Variants in EDNRB observed in about 807,000 individuals in gnomAD.
EDNRB encodes Hirschsprung disease 2.
A neutral mutation model predicts 46.4 loss-of-function variants in EDNRB; 18 were observed. The observed-to-expected ratio is 0.39, with a 90% CI of 0.27 to 0.57. The LOEUF is 0.57. Among genes scored for constraint, EDNRB ranks in the 20% least tolerant of loss-of-function variants. EDNRB has a pLI of 0.61. For synonymous variants in EDNRB, 213 were observed against 204.9 expected, an observed-to-expected ratio of 1.04 and a Z score of -0.34; for missense variants, 434 against 537.5, an observed-to-expected ratio of 0.81 and a Z score of 1.90.
At position 77,918,317 on chromosome 13, in the gene EDNRB, G is replaced by T; in HGVS notation, c.257C>A (p.Ser86Tyr). 6.2e-7 allele frequency: 1 copy of T among 1,614,046 alleles called. No individual in the cohort carries two copies. The highest frequency in any genetic ancestry group is 8.5e-7 in the Non-Finnish European group (1 of 1,179,996). ...GATGGGTCCTTGGCACGGGGGAGGG[G>T]AGATGGTGCGTGGCGGAGATCCTGC... Reference protein sequence around the residue: ...RTAGSPPRTISPPPCQGPIEI... With the variant: ...RTAGSPPRTIYPPPCQGPIEI... Residue 86 changes from serine (S) to tyrosine (Y), a missense_variant, in exon 1 of 7, where the codon TCC (serine) becomes TAC (tyrosine). By Grantham distance (144) the Ser-to-Tyr change is moderately radical (BLOSUM62 -2). Coordinates refer to ENST00000646607, the MANE Select transcript of EDNRB (RefSeq NM_001122659.3). The surrounding 1 kb of genome is among the most constrained non-coding windows in gnomAD (Gnocchi z 4.5).
At chr13:77,922,367 C>A (rs183322036), upstream of EDNRB, among the ~76,000 whole-genome samples, 5 of 152,254 alleles carry the variant, frequency 3.3e-5, no homozygotes, top group Admixed American at 3.3e-4. Context: ...GGGGAGCATT[C>A]CCAAAATAAA....
chr13:77,946,136 C>T (rs1880905906), intron 1 of EDNRB, among the ~76,000 whole-genome samples: 1 of 152,102 alleles, frequency 6.6e-6, no homozygotes, highest in African/African-American at 2.4e-5. Context: ...GTAGAAAAAC[C>T]ACAGAAAGTA....
intron 1 of EDNRB, among the ~76,000 whole-genome samples, chr13:77,963,373 T>G (rs534992781): frequency 5.3e-5 from 8 of 152,304 alleles, no homozygotes; most frequent in Middle Eastern, 3.4e-3. Flanking sequence ...CAAAGTATAC[T>G]ACAAGGCTAC....
intron 1 of EDNRB, among the ~76,000 whole-genome samples, chr13:77,937,238 A>C (rs1456938909): frequency 1.3e-5 from 2 of 152,132 alleles, no homozygotes; most frequent in Non-Finnish European, 2.9e-5. Flanking sequence ...TAAGCCCTCA[A>C]ACTAGGCAGG....
chr13:77,905,848 A>G (rs1879247448), intron 1 of EDNRB, among the ~76,000 whole-genome samples: 1 of 152,014 alleles, frequency 6.6e-6, no homozygotes, highest in Non-Finnish European at 1.5e-5. Flanking sequence ...AAGCTGGAGA[A>G]GACTGACCCA....
intron 4 of EDNRB, 95 bp from the exon 5 acceptor site, chr13:77,900,749 G>T: frequency 6.4e-7 from 1 of 1,552,826 alleles, no homozygotes; most frequent in Non-Finnish European, 8.8e-7. Context: ...TCTACAAAAA[G>T]TCAGTGGCAT....
intron 1 of EDNRB, among the ~76,000 whole-genome samples, chr13:77,945,809 C>G (rs767286598): frequency 1.5e-4 from 23 of 150,084 alleles, no homozygotes; most frequent in Non-Finnish European, 3.3e-4. Flanking sequence ...GCCTATTTCC[C>G]TTAGTTCCTA....
intron 1 of EDNRB, among the ~76,000 whole-genome samples, chr13:77,910,711 C>T (rs1879523958): frequency 2.0e-5 from 3 of 151,918 alleles, no homozygotes. Context: ...CCCAGGGGTG[C>T]CATCTCAATA....
At chr13:77,936,076 C>T (rs967674632) in intron 1 of EDNRB, among the ~76,000 whole-genome samples, 11 of 152,052 alleles carry the variant, frequency 7.2e-5, no homozygotes, top group Non-Finnish European at 1.0e-4. Flanking sequence ...GGGATATTGG[C>T]ATTGAGCGGG....
At position 77,897,828 on chromosome 13, in the gene EDNRB, A is replaced by T. The variant is rs1012901484; in HGVS notation, c.*372T>A. On this transcript the variant is annotated 3_prime_UTR_variant, in exon 7 of 7. Coordinates refer to ENST00000646607, the MANE Select transcript of EDNRB (RefSeq NM_001122659.3). Reference sequence around the variant, plus strand: ...TTACAGTGACTTATTCTTCCTTTATATCAGAGTCCCATTGATTTAAAAATA... The same window carrying T: ...TTACAGTGACTTATTCTTCCTTTATTTCAGAGTCCCATTGATTTAAAAATA... 12 of 1,016,658 alleles carry T rather than the reference A, an allele frequency of 1.2e-5. No homozygotes were observed. The highest frequency in any genetic ancestry group is 9.7e-5 in the East Asian group (1 of 10,306). 63.0% of individuals were successfully genotyped at this position (1,016,658 alleles called of 1,614,324 possible). A position where few individuals can be genotyped will look rare whatever the true frequency, so the allele number is the denominator to read the frequency against.
chr13:77,956,335 A>G (rs1759947389), intron 1 of EDNRB, among the ~76,000 whole-genome samples: 1 of 152,146 alleles, frequency 6.6e-6, no homozygotes. Context: ...TTAGTGTACA[A>G]AAACTGAACT....
chr13:77,939,617 G>C (rs1477900089), intron 1 of EDNRB: 2 of 152,138 alleles, frequency 1.3e-5, no homozygotes, highest in African/African-American at 4.8e-5. Context: ...GATGCTAAAG[G>C]ATTCATACAT....
intron 2 of EDNRB, 40 bp downstream of exon 2, chr13:77,903,455 A>G (rs199881662): frequency 1.9e-6 from 3 of 1,609,136 alleles, no homozygotes; most frequent in Non-Finnish European, 8.5e-7. Flanking sequence ...AAACAATAGT[A>G]TATATTCAGA....
chr13:77,900,044 TG>T (rs1878860639), intron 5 of EDNRB, 77 bp from the exon 6 acceptor site: 1 of 1,282,424 alleles, frequency 7.8e-7, no homozygotes, highest in Non-Finnish European at 1.1e-6. Flanking sequence ...TCTGTGCTTT[TG>T]TAAGGAAAAA....
At chr13:77,939,707 T>A (rs1383692030) in intron 1 of EDNRB, 2 of 152,150 alleles carry the variant, frequency 1.3e-5, no homozygotes, top group African/African-American at 4.8e-5. Context: ...CTTAAAATTC[T>A]TATGTATGGG....
chr13:77,968,672 G>A (rs1190041305), intron 1 of EDNRB, among the ~76,000 whole-genome samples: 2 of 152,094 alleles, frequency 1.3e-5, no homozygotes, highest in African/African-American at 2.4e-5. Flanking sequence ...CGGATGAGGG[G>A]TAGGTAACAA....
intron 1 of EDNRB, among the ~76,000 whole-genome samples, chr13:77,942,704 A>G (rs1443004573): frequency 9.2e-5 from 14 of 152,248 alleles, no homozygotes; most frequent in African/African-American, 3.1e-4. Flanking sequence ...AAAACTACAT[A>G]ATTTATAATT....
intron 1 of EDNRB, among the ~76,000 whole-genome samples, chr13:77,938,572 C>A (rs188070098): frequency 6.6e-6 from 1 of 152,104 alleles, no homozygotes; most frequent in Non-Finnish European, 1.5e-5. Context: ...GGTCAGACAC[C>A]TCTGAAACAT....
intron 1 of EDNRB, among the ~76,000 whole-genome samples, chr13:77,954,266 T>G (rs1881170697): frequency 6.6e-6 from 1 of 152,120 alleles, no homozygotes; most frequent in South Asian, 2.1e-4. Flanking sequence ...TTATACAAGA[T>G]TTATAAAAAC....
Sources: allele counts gnomAD v4.1 joint callset (sites outside exome capture counted in the v4.1 genomes callset), GRCh38; gene constraint gnomAD v4.1.1; non-coding constraint Gnocchi (gnomAD v3.1); transcripts MANE v1.5; gene names NCBI Gene and HGNC (gene_info 2026-07-23, HGNC 2026-07-21).